The following B3GLCT variants were observed in gnomAD, a reference collection of about 807,000 sequenced individuals.
The protein encoded by B3GLCT is beta 3-glucosyltransferase, also known as beta-1,3-glucosyltransferase.
B3GLCT carries 65 observed loss-of-function variants against 63.4 expected under a neutral mutation model. The observed-to-expected ratio is 1.03, with a 90% CI of 0.84 to 1.26. The LOEUF is 1.26. Among genes scored for constraint, B3GLCT ranks in the 50% most tolerant of loss-of-function variants. The probability of loss-of-function intolerance (pLI) is 0.00; values close to 1 mark genes in which losing one functional copy is unlikely to be tolerated. For missense variants in B3GLCT, 577 were observed against 604.8 expected (o/e 0.95, Z 0.48); for synonymous variants, 233 against 219.2 (o/e 1.06, Z -0.55).
intron 12 of B3GLCT, among the ~76,000 whole-genome samples, chr13:31,302,285 G>T (rs1874259751): frequency 6.6e-6 from 1 of 152,204 alleles, no homozygotes; most frequent in South Asian, 2.1e-4. Context: ...TTCAGTGGGT[G>T]AATATCCCAG....
intron 1 of B3GLCT, among the ~76,000 whole-genome samples, chr13:31,213,793 T>C (rs1298897089): frequency 6.6e-6 from 1 of 151,984 alleles, no homozygotes; most frequent in Admixed American, 6.6e-5. Flanking sequence ...AATTGGGGAT[T>C]TATTATTTTA....
intron 3 of B3GLCT, among the ~76,000 whole-genome samples, chr13:31,223,730 C>T (rs1869946128): frequency 1.3e-5 from 2 of 152,060 alleles, no homozygotes; most frequent in South Asian, 4.1e-4. Flanking sequence ...GTCTTTCCTC[C>T]CAGGGTAGGA....
chr13:31,269,361 T>C, intron 8 of B3GLCT, 84 bp downstream of exon 8: 1 of 989,776 alleles, frequency 1.0e-6, no homozygotes, highest in Non-Finnish European at 1.6e-6. Flanking sequence ...CATTCCCTAA[T>C]CTTGCATTTT....
intron 7 of B3GLCT, among the ~76,000 whole-genome samples, chr13:31,268,411 T>A (rs1872431841): frequency 6.6e-6 from 1 of 152,130 alleles, no homozygotes; most frequent in Non-Finnish European, 1.5e-5. Flanking sequence ...CAGAGAGAGT[T>A]ATGTATGCAC....
At chr13:31,240,962 AAAT>A (rs796561567) in intron 4 of B3GLCT, among the ~76,000 whole-genome samples, 3 of 152,318 alleles carry the variant, frequency 2.0e-5, no homozygotes, top group African/African-American at 7.2e-5. Context: ...TCTCTCACTT[AAAT>A]AATACTGTCC....
intron 12 of B3GLCT, among the ~76,000 whole-genome samples, chr13:31,292,793 T>G (rs1873745759): frequency 6.6e-6 from 1 of 152,096 alleles, no homozygotes; most frequent in Admixed American, 6.5e-5. Context: ...AGAGTTTTTT[T>G]GTGTCTCTGT....
chr13:31,295,216 G>A, intron 12 of B3GLCT, among the ~76,000 whole-genome samples: 1 of 152,190 alleles, frequency 6.6e-6, no homozygotes, highest in East Asian at 1.9e-4. Context: ...CGCGCCAGAT[G>A]TCAGCTGGAG....
At chr13:31,238,110 T>A (rs6562586) in intron 4 of B3GLCT, among the ~76,000 whole-genome samples, 2,331 of 152,320 alleles carry the variant, frequency 0.015, 68 homozygotes, top group African/African-American at 0.053. Flanking sequence ...TGCCAAAAAA[T>A]TAAGGTGCAA....
rs116755253 is a variant in B3GLCT, at chr13:31,223,758, G to T, written c.160+767G>T. Among the ~76,000 whole-genome samples the T allele has an allele frequency of 7.7e-3, 1,174 of 152,230 alleles. 17 individuals carry two copies. The highest frequency in any genetic ancestry group is 0.027 in the African/African-American group (1,128 of 41,522). On this transcript the variant is annotated intron_variant, in intron 3 of 14. Transcript: ENST00000343307. Reference sequence around the variant, plus strand: ...GGGTAGGAGGAATGACCCAAGTCTGGAACACAATCAGCCAGGACCTGGACA... The same window carrying T: ...GGGTAGGAGGAATGACCCAAGTCTGTAACACAATCAGCCAGGACCTGGACA...
intron 3 of B3GLCT, among the ~76,000 whole-genome samples, chr13:31,226,816 G>GAAT: frequency 6.6e-6 from 1 of 151,940 alleles, no homozygotes; most frequent in Non-Finnish European, 1.5e-5. Context: ...GTTATAAAGA[G>GAAT]AATAATATAA....
At position 31,212,525 on chromosome 13, in the gene B3GLCT, G is replaced by A. The variant is rs370706587; in HGVS notation, c.71-2526G>A. 1.1e-4 allele frequency among the ~76,000 whole-genome samples: 17 copies of A among 152,090 alleles called. No individual in the cohort carries two copies. The East Asian group carries it at 2.7e-3, about 24-fold the overall frequency. ...CCTGACCTCGTGATCCGCCCACCTC[G>A]GCCTCCCAAAGTGCTGGGATTACAG... On this transcript the variant is annotated intron_variant, in intron 1 of 14. Transcript: ENST00000343307.
intron 13 of B3GLCT, among the ~76,000 whole-genome samples, chr13:31,319,325 G>T (rs939061502): frequency 6.6e-6 from 1 of 151,866 alleles, no homozygotes; most frequent in Non-Finnish European, 1.5e-5. Context: ...CCTACCCTGC[G>T]GAACATCTTG....
intron 13 of B3GLCT, among the ~76,000 whole-genome samples, chr13:31,317,902 T>C (rs1202270273): frequency 6.6e-6 from 1 of 151,910 alleles, no homozygotes; most frequent in South Asian, 2.1e-4. Flanking sequence ...TAAAAAAGTA[T>C]GTCATACTTG....
chr13:31,317,273 A>C (rs1397657203), intron 12 of B3GLCT, among the ~76,000 whole-genome samples: 1 of 152,180 alleles, frequency 6.6e-6, no homozygotes, highest in Non-Finnish European at 1.5e-5. Context: ...TGCCACTCTC[A>C]CCACACAAAT....
intron 12 of B3GLCT, among the ~76,000 whole-genome samples, chr13:31,292,584 T>A (rs1056668547): frequency 6.6e-6 from 1 of 152,226 alleles, no homozygotes; most frequent in Admixed American, 6.5e-5. Context: ...CTAGATTTTC[T>A]AGTTTATTTG....
At position 31,306,518 on chromosome 13, in the gene B3GLCT, C is replaced by T. The variant is rs1874407444; in HGVS notation, c.1065-11048C>T. ...AAAATCAATGTACAAAAATCACAAG[C>T]ATTCTTATACACCAACAACAGACAA... On this transcript the variant is annotated intron_variant, in intron 12 of 14. Transcript: ENST00000343307. Among the ~76,000 whole-genome samples the T allele has an allele frequency of 3.6e-5, 4 of 110,472 alleles. No homozygotes were observed. The South Asian group carries it at 1.3e-3, about 36-fold the overall frequency. 72.5% of individuals were successfully genotyped at this position (110,472 alleles called of 152,430 possible).
intron 14 of B3GLCT, among the ~76,000 whole-genome samples, chr13:31,326,503 G>C (rs200287691): frequency 6.6e-6 from 1 of 151,726 alleles, no homozygotes; most frequent in African/African-American, 2.4e-5. Flanking sequence ...GGGTGGTCTC[G>C]ATCTCCTGAC....
intron 6 of B3GLCT, among the ~76,000 whole-genome samples, chr13:31,248,806 T>C (rs1200531654): frequency 6.6e-6 from 1 of 152,244 alleles, no homozygotes; most frequent in Non-Finnish European, 1.5e-5. Flanking sequence ...TAACACTTAG[T>C]AGGTGGTCAG....
chr13:31,238,235 C>T (rs1870751501), intron 4 of B3GLCT, among the ~76,000 whole-genome samples: 1 of 152,164 alleles, frequency 6.6e-6, no homozygotes, highest in Non-Finnish European at 1.5e-5. Context: ...TTATTAAAAA[C>T]GGAAACATTT....
Sources: gnomAD v4.1 joint callset for allele counts (sites outside exome capture counted in the v4.1 genomes callset) on GRCh38, gnomAD v4.1.1 for gene constraint, MANE v1.5 for transcripts, NCBI Gene and HGNC (gene_info 2026-07-23, HGNC 2026-07-21) for gene names.